Variants in CLYBL observed in about 807,000 individuals in gnomAD.
CLYBL encodes the protein citramalyl-CoA lyase.
A neutral mutation model predicts 38.9 loss-of-function variants in CLYBL; 31 were observed. That is an observed-to-expected ratio of 0.80 (90% CI 0.60 to 1.08). CLYBL has a LOEUF of 1.08. Ranked by LOEUF, CLYBL falls within the 50% of genes least tolerant of loss-of-function variation. The pLI, the probability that CLYBL is intolerant of heterozygous loss-of-function variation, is 0.00. For synonymous variants in CLYBL, 171 were observed against 158.6 expected (o/e 1.08, Z -0.59); for missense variants, 434 against 411.6 (o/e 1.05, Z -0.47).
At chr13:99,809,888 G>A (rs2050306982) in intron 2 of CLYBL, among the ~76,000 whole-genome samples, 1 of 152,200 alleles carries the variant, frequency 6.6e-6, no homozygotes, top group African/African-American at 2.4e-5. Flanking sequence ...GAAGCTGGAT[G>A]AAGCCACCAA....
chr13:99,781,392 A>T (rs1452751510), intron 2 of CLYBL, among the ~76,000 whole-genome samples: 2 of 151,590 alleles, frequency 1.3e-5, no homozygotes, highest in Non-Finnish European at 2.9e-5. Flanking sequence ...GGATGGTCTC[A>T]ATCTCCTGAC....
intron 7 of CLYBL, among the ~76,000 whole-genome samples, chr13:99,877,299 T>C (rs2052068766): frequency 6.6e-6 from 1 of 152,206 alleles, no homozygotes; most frequent in African/African-American, 2.4e-5. Context: ...ATTTTGTTCC[T>C]TGGACACCTT....
intron 2 of CLYBL, among the ~76,000 whole-genome samples, chr13:99,825,381 T>C (rs1465410944): frequency 1.3e-5 from 2 of 152,214 alleles, no homozygotes; most frequent in African/African-American, 4.8e-5. Context: ...TGCGTGTGAA[T>C]GCCCTTTATC....
intron 2 of CLYBL, among the ~76,000 whole-genome samples, chr13:99,853,787 A>G (rs999955121): frequency 1.3e-5 from 2 of 152,238 alleles, no homozygotes; most frequent in African/African-American, 4.8e-5. Context: ...ATACAAATTG[A>G]TAAAAAGTTA....
intron 1 of CLYBL, among the ~76,000 whole-genome samples, chr13:99,631,331 A>ATGTGTG (rs10643696): frequency 0.13 from 19,428 of 145,086 alleles, 1,469 homozygotes; most frequent in Non-Finnish European, 0.18. Context: ...CCAAATATTT[A>ATGTGTG]TGTGTGTGTG....
rs996130858 is a variant in CLYBL at position 99,730,112 on chromosome 13, G to A, written c.63-42712G>A. Among the ~76,000 whole-genome samples, 6 of 149,452 alleles carry A rather than the reference G, an allele frequency of 4.0e-5. No individual in the cohort carries two copies. In the East Asian group the frequency reaches 8.1e-4, roughly 20 times the overall value. On this transcript the variant is annotated intron_variant, in intron 1 of 8. Coordinates refer to ENST00000339105, the MANE Select transcript of CLYBL (RefSeq NM_206808.5). The stretch of plus-strand genomic sequence containing the variant: ...GCGACCCAGTTGCTGGCTGGAGGAT[G>A]GCTGGCCACTGTTGGAGCTGCTGAT...
chr13:99,735,693 C>T (rs1473668618), intron 1 of CLYBL, among the ~76,000 whole-genome samples: 1 of 152,084 alleles, frequency 6.6e-6, no homozygotes, highest in Non-Finnish European at 1.5e-5. Flanking sequence ...ATATATAAAA[C>T]AGGCAGCAAT....
intron 1 of CLYBL, among the ~76,000 whole-genome samples, chr13:99,713,737 G>T (rs1201795226): frequency 6.6e-6 from 1 of 152,172 alleles, no homozygotes; most frequent in Non-Finnish European, 1.5e-5. Flanking sequence ...AGGCTGGAGT[G>T]CAGTGGTGCA....
At chr13:99,665,916 T>C (rs1382618380) in intron 1 of CLYBL, among the ~76,000 whole-genome samples, 1 of 152,216 alleles carries the variant, frequency 6.6e-6, no homozygotes, top group East Asian at 1.9e-4. Context: ...CTTAAATCTG[T>C]CACTCTTTAA....
intron 1 of CLYBL, among the ~76,000 whole-genome samples, chr13:99,631,331 ATGTGTGTG>A (rs10643696): frequency 3.0e-4 from 43 of 145,270 alleles, no homozygotes; most frequent in Admixed American, 1.8e-3. Flanking sequence ...CCAAATATTT[ATGTGTGTG>A]TGTGTGTGTG....
intron 1 of CLYBL, among the ~76,000 whole-genome samples, chr13:99,738,444 TC>T (rs1255874724): frequency 6.6e-6 from 1 of 152,160 alleles, no homozygotes; most frequent in East Asian, 1.9e-4. Context: ...TGTAAGGGTT[TC>T]TTGGCCACTG....
At chr13:99,883,746 A>T (rs565360472) in intron 7 of CLYBL, among the ~76,000 whole-genome samples, 4 of 152,052 alleles carry the variant, frequency 2.6e-5, no homozygotes, top group East Asian at 3.9e-4. Flanking sequence ...GAGCAAAGAA[A>T]ACCGACTCCA....
chr13:99,841,299 G>A (rs1594214847), intron 2 of CLYBL, among the ~76,000 whole-genome samples: 2 of 152,294 alleles, frequency 1.3e-5, no homozygotes, highest in South Asian at 4.1e-4. Context: ...TGCCATAGGA[G>A]AGAAAAAGTA....
intron 1 of CLYBL, among the ~76,000 whole-genome samples, chr13:99,699,021 T>C (rs1433714849): frequency 6.6e-6 from 1 of 152,202 alleles, no homozygotes; most frequent in Non-Finnish European, 1.5e-5. Context: ...GAAAGAGTCA[T>C]TTTTCGGAGT....
chr13:99,610,186 A>G (rs2046604902), intron 1 of CLYBL, among the ~76,000 whole-genome samples: 1 of 152,208 alleles, frequency 6.6e-6, no homozygotes, highest in Non-Finnish European at 1.5e-5. Flanking sequence ...CTAGGCATGA[A>G]CGACTGCACC....
chr13:99,871,323 T>C (rs757016268), intron 7 of CLYBL, among the ~76,000 whole-genome samples: 17 of 152,188 alleles, frequency 1.1e-4, no homozygotes, highest in Non-Finnish European at 2.2e-4. Context: ...TTAGAGAAAA[T>C]AGAAGTCTGT....
intron 2 of CLYBL, among the ~76,000 whole-genome samples, chr13:99,813,816 G>A (rs1055058679): frequency 5.1e-4 from 77 of 152,070 alleles, no homozygotes; most frequent in African/African-American, 1.7e-3. Context: ...TGTTGGATAC[G>A]TTGCCGTCCG....
intron 1 of CLYBL, chr13:99,690,110 T>G: frequency 6.6e-6 from 1 of 152,170 alleles, no homozygotes; most frequent in Non-Finnish European, 1.5e-5. Context: ...GTCCCTTGCC[T>G]CCTCCCCCAG....
chr13:99,691,594 AAAC>A (rs887632743), intron 1 of CLYBL, among the ~76,000 whole-genome samples: 1 of 151,824 alleles, frequency 6.6e-6, no homozygotes, highest in Admixed American at 6.6e-5. Context: ...CCTAAAAAAA[AAAC>A]CAAAAAACAA....
Sources: gnomAD v4.1 joint callset for allele counts (sites outside exome capture counted in the v4.1 genomes callset) on GRCh38, gnomAD v4.1.1 for gene constraint, MANE v1.5 for transcripts, NCBI Gene and HGNC (gene_info 2026-07-23, HGNC 2026-07-21) for gene names.